The following ALX3 variants were observed in gnomAD, a reference collection of about 807,000 sequenced individuals.
ALX3 encodes homeobox protein aristaless-like 3.
Under a neutral mutation model 26.3 loss-of-function variants are expected in ALX3, and 17 were observed. The ratio of observed to expected loss-of-function variants is 0.65; its 90% CI spans 0.44 to 0.97. The LOEUF is 0.97. ALX3 is among the 50% of genes least tolerant of loss of function. The pLI, the probability that ALX3 is intolerant of heterozygous loss-of-function variation, is 0.00. For synonymous variants in ALX3, 208 were observed against 201.4 expected (o/e 1.03, Z -0.28); for missense variants, 461 against 466.5 (o/e 0.99, Z 0.11).
chr1:110,060,395 G>A lies in ALX3; in HGVS notation c.*338C>T, dbSNP rs966018201. 2.8e-5 allele frequency: 5 copies of A among 179,358 alleles called. No homozygotes were observed. Among genetic ancestry groups the A allele is most frequent in the Non-Finnish European group, 3.5e-5 (3 of 86,892 alleles). The allele number at this position is 179,358 out of a possible 1,614,324, so 11.1% of individuals were successfully genotyped here. A position where few individuals can be genotyped will look rare whatever the true frequency, so the allele number is the denominator to read the frequency against. ...CATTTTCCTGGGTTCCCTGAACGATGAGCCAAGTAAGCTGTCTTAGCTGGA... is the reference window on the plus strand; with the variant it reads ...CATTTTCCTGGGTTCCCTGAACGATAAGCCAAGTAAGCTGTCTTAGCTGGA... On this transcript the variant is annotated 3_prime_UTR_variant, in exon 4 of 4. Transcript: ENST00000647563.
chr1:110,065,725 C>T (rs565303837), intron 1 of ALX3, among the ~76,000 whole-genome samples: 1 of 152,336 alleles, frequency 6.6e-6, no homozygotes, highest in Non-Finnish European at 1.5e-5. Context: ...AACTGCTCCC[C>T]CATTGCCTGT....
In ALX3 at chr1:110,060,170, G is replaced by A. The variant is rs1176264607; in HGVS notation, c.*563C>T. 1 of 152,272 alleles carries A rather than the reference G, an allele frequency of 6.6e-6. No individual in the cohort carries two copies. Among genetic ancestry groups the A allele is most frequent in the Non-Finnish European group, 1.5e-5 (1 of 68,080 alleles). 9.4% of individuals were successfully genotyped at this position (152,272 alleles called of 1,614,324 possible). On this transcript the variant is annotated 3_prime_UTR_variant, in exon 4 of 4. Transcript: ENST00000647563. Reference sequence around the variant, plus strand: ...CTGGGAGTGCAGGCACATGGCAGGAGTGAGGGTGGCTGGAGCTGAGGAGCC... The same window carrying A: ...CTGGGAGTGCAGGCACATGGCAGGAATGAGGGTGGCTGGAGCTGAGGAGCC...
At position 110,070,618 on chromosome 1, in the gene ALX3, C is replaced by G; in HGVS notation, c.-6G>C. 8.1e-7 allele frequency: 1 copy of G among 1,229,790 alleles called. No individual in the cohort carries two copies. Among genetic ancestry groups the G allele is most frequent in the Non-Finnish European group, 1.0e-6 (1 of 986,046 alleles). 76.2% of individuals were successfully genotyped at this position (1,229,790 alleles called of 1,614,324 possible). On this transcript the variant is annotated 5_prime_UTR_variant, in exon 1 of 4. Transcript: ENST00000647563. Reference sequence around the variant, plus strand: ...GCGCAGTGCTCGGGGTCCATGCCGGCTCAGGGCGCACAGGCCTCCGGGGCT... The same window carrying G: ...GCGCAGTGCTCGGGGTCCATGCCGGGTCAGGGCGCACAGGCCTCCGGGGCT...
chr1:110,066,795 CA>C (rs1653803305), intron 1 of ALX3, among the ~76,000 whole-genome samples: 1 of 152,172 alleles, frequency 6.6e-6, no homozygotes, highest in African/African-American at 2.4e-5. Context: ...GGGGCTTGCT[CA>C]TCTGCCTCTT....
At position 110,064,951 on chromosome 1, in the gene ALX3, T is replaced by C. The variant is rs751368586; in HGVS notation, c.278-48A>G. 56 of 1,536,158 alleles carry C rather than the reference T, an allele frequency of 3.6e-5. No homozygotes were observed. The African/African-American group carries it at 6.9e-4, about 19-fold the overall frequency. On this transcript the variant is annotated intron_variant, in intron 1 of 3. Coordinates refer to ENST00000647563, the MANE Select transcript of ALX3 (RefSeq NM_006492.3). ...GAGGATGGCAACTGAACCAGGGGCT[T>C]TTGTGGGTTGGAATGGAGGGAGGGG...
chr1:110,068,634 CT>C (rs1653845463), intron 1 of ALX3, among the ~76,000 whole-genome samples: 2 of 152,288 alleles, frequency 1.3e-5, no homozygotes, highest in South Asian at 4.1e-4. Context: ...CCTCTTTGTC[CT>C]TTCCCCCTTC....
chr1:110,069,679 G>A (rs951238598), intron 1 of ALX3, among the ~76,000 whole-genome samples: 1 of 152,234 alleles, frequency 6.6e-6, no homozygotes, highest in African/African-American at 2.4e-5. Context: ...ACGGCAGGGA[G>A]GCCAGCTTAG....
chr1:110,063,790 T>C (rs554938913), intron 2 of ALX3, among the ~76,000 whole-genome samples: 1 of 151,920 alleles, frequency 6.6e-6, no homozygotes, highest in South Asian at 2.1e-4. Context: ...TGGGCCAGAC[T>C]CTTACTGAAA....
chr1:110,068,412 A>G (rs2101799493), intron 1 of ALX3, among the ~76,000 whole-genome samples: 1 of 152,260 alleles, frequency 6.6e-6, no homozygotes, highest in South Asian at 2.1e-4. Flanking sequence ...TGCCGCAGGG[A>G]CGCTGGCAGC....
At position 110,066,396 on chromosome 1, in the gene ALX3, C is replaced by T. The variant is rs113901713; in HGVS notation, c.278-1493G>A. On this transcript the variant is annotated intron_variant, in intron 1 of 3. Coordinates refer to ENST00000647563, the MANE Select transcript of ALX3 (RefSeq NM_006492.3). ...CAGCCCAGGGACCAGGGCTCCTTCA[C>T]AACTCAGGTGGAGCACAGGGGAGAA... 3.8e-3 allele frequency among the ~76,000 whole-genome samples: 584 copies of T among 152,322 alleles called. 2 individuals carry two copies. The highest frequency in any genetic ancestry group is 0.014 in the African/African-American group (565 of 41,586).
intron 1 of ALX3, among the ~76,000 whole-genome samples, chr1:110,066,644 A>T (rs2101798483): frequency 7.6e-6 from 1 of 131,832 alleles, no homozygotes; most frequent in East Asian, 2.4e-4. Context: ...TCAGCCTGAG[A>T]AGAAAGAGTC....
chr1:110,061,018 A>G lies in ALX3; in HGVS notation c.747T>C (p.Ser249=), dbSNP rs749629445. ...HPQLQNSLWA[S]PGSGSPGGPC... ...GGCCTCCAGGGCTCCCAGATCCTGG[A>G]CTGGCCCACAGGGAGTTCTGCAGCT... The change falls in exon 4 of 4, where the codon AGT becomes AGC. Residue 249 remains serine (S), a synonymous_variant. Coordinates refer to ENST00000647563, the MANE Select transcript of ALX3 (RefSeq NM_006492.3). 6.2e-7 allele frequency: 1 copy of G among 1,610,186 alleles called. No homozygotes were observed. Among genetic ancestry groups the G allele is most frequent in the Non-Finnish European group, 8.5e-7 (1 of 1,178,886 alleles).
At chr1:110,064,444 C>G in intron 2 of ALX3, 143 bp downstream of exon 2, 1 of 1,018,730 alleles carries the variant, frequency 9.8e-7, no homozygotes, top group Non-Finnish European at 1.5e-6. Flanking sequence ...AGGGTGAGCC[C>G]AGGAGGGGAA....
Position 110,060,891 on chromosome 1 carries a change from C to T in ALX3, c.874G>A (p.Ala292Thr). The T allele has an allele frequency of 6.2e-7, 1 of 1,613,850 alleles. No individual in the cohort carries two copies. The highest frequency in any genetic ancestry group is 8.5e-7 in the Non-Finnish European group (1 of 1,179,952). The change falls in exon 4 of 4, where the codon GCG becomes ACG. Residue 292 changes from alanine (A) to threonine (T), a missense_variant. Coordinates refer to ENST00000647563, the MANE Select transcript of ALX3 (RefSeq NM_006492.3). The part of the protein sequence containing the change: ...AGFMGVPAPS[A>T]AHPGIYSIHG... ...ATGGAGTAGATGCCAGGGTGAGCCG[C>T]AGAAGGGGCTGGCACCCCCATGAAG...
Position 110,060,910 on chromosome 1 carries a change from C to T in ALX3, c.855G>A (p.Met285Ile), listed in dbSNP as rs770075558. 10 of 1,613,336 alleles carry T rather than the reference C, an allele frequency of 6.2e-6. No homozygotes were observed. In the South Asian group the frequency reaches 1.1e-4, roughly 18 times the overall value. The change falls in exon 4 of 4, where the codon ATG becomes ATA. Residue 285 changes from methionine (M) to isoleucine (I), a missense_variant. This residue lies in a region of ALX3 where 169 missense variants were observed against 178.0 expected (regional missense o/e 0.95). Coordinates refer to ENST00000647563, the MANE Select transcript of ALX3 (RefSeq NM_006492.3). ...SHPHGSVAGF[M>I]GVPAPSAAHP... ...GAGCCGCAGAAGGGGCTGGCACCCCCATGAAGCCAGCCACACTCCCATGGG... is the reference window on the plus strand; with the variant it reads ...GAGCCGCAGAAGGGGCTGGCACCCCTATGAAGCCAGCCACACTCCCATGGG...
Position 110,064,764 on chromosome 1 carries a change from T to C in ALX3, c.417A>G (p.Gly139=). 4.3e-6 allele frequency: 7 copies of C among 1,613,466 alleles called. No individual in the cohort carries two copies. Among genetic ancestry groups the C allele is most frequent in the Non-Finnish European group, 5.9e-6 (7 of 1,179,898 alleles). ...LASLHLPLSP[G]LPDSMELAKN... The stretch of plus-strand genomic sequence containing the variant: ...TGGCCAACTCCATGGAGTCAGGGAG[T>C]CCCGGGGAAAGAGGAAGATGCAGGC... The change falls in exon 2 of 4, where the codon GGA becomes GGG. Residue 139 remains glycine, a synonymous_variant. Transcript: ENST00000647563.
chr1:110,061,337 T>C (rs1036464273), intron 3 of ALX3, 98 bp downstream of exon 3: 36 of 1,578,690 alleles, frequency 2.3e-5, no homozygotes, highest in Non-Finnish European at 2.9e-5. Context: ...CCCACTGTCA[T>C]ACAGAACGCT....
In ALX3 at chr1:110,060,623, T is replaced by C. The variant is rs936954447; in HGVS notation, c.*110A>G. 1.2e-5 allele frequency: 5 copies of C among 423,764 alleles called. No individual in the cohort carries two copies. In the African/African-American group the frequency reaches 1.8e-4, roughly 16 times the overall value. The allele number at this position is 423,764 out of a possible 1,614,324, so 26.3% of individuals were successfully genotyped here. On this transcript the variant is annotated 3_prime_UTR_variant, in exon 4 of 4. Coordinates refer to ENST00000647563, the MANE Select transcript of ALX3 (RefSeq NM_006492.3). ...CCTGCTGGGGGCTGACAGTGCCAGC[T>C]GCTCTCGCAGCCTCCAGAACCATCT...
At chr1:110,061,393 T>C in intron 3 of ALX3, 42 bp downstream of exon 3, 1 of 1,614,180 alleles carries the variant, frequency 6.2e-7, no homozygotes, top group Non-Finnish European at 8.5e-7. Context: ...TTCTTTTTGG[T>C]GACCCTGCCA....
Sources: allele counts gnomAD v4.1 joint callset (sites outside exome capture counted in the v4.1 genomes callset), GRCh38; gene constraint gnomAD v4.1.1; regional missense constraint gnomAD v4.1.1; transcripts MANE v1.5; gene names NCBI Gene and HGNC (gene_info 2026-07-23, HGNC 2026-07-21).